The following LRP11 variants were observed in gnomAD, a reference collection of about 807,000 sequenced individuals.
The protein encoded by LRP11 is low-density lipoprotein receptor-related protein 11.
LRP11 carries 25 observed loss-of-function variants against 43.1 expected under a neutral mutation model. The ratio of observed to expected loss-of-function variants is 0.58; its 90% CI spans 0.42 to 0.81. The LOEUF (loss-of-function observed/expected upper bound fraction) is 0.81. LRP11 is among the 30% of genes least tolerant of loss of function. The pLI, the probability that LRP11 is intolerant of heterozygous loss-of-function variation, is 0.00. For missense variants in LRP11, 623 were observed against 665.1 expected (o/e 0.94, Z 0.70); for synonymous variants, 316 against 299.4 (o/e 1.06, Z -0.57).
At chr6:149,840,947 G>C (rs780282138) in intron 3 of LRP11, among the ~76,000 whole-genome samples, 2 of 152,134 alleles carry the variant, frequency 1.3e-5, no homozygotes, top group Non-Finnish European at 2.9e-5. Flanking sequence ...GATGGAATCC[G>C]GGCTGAGCTG....
At chr6:149,860,826 G>A (rs1007516977) in intron 1 of LRP11, among the ~76,000 whole-genome samples, 1 of 152,198 alleles carries the variant, frequency 6.6e-6, no homozygotes, top group Non-Finnish European at 1.5e-5. Flanking sequence ...AGAAAGCATA[G>A]GAGTTCAGGC....
intron 2 of LRP11, among the ~76,000 whole-genome samples, chr6:149,845,342 A>G (rs1470209948): frequency 6.6e-6 from 1 of 152,114 alleles, no homozygotes; most frequent in Non-Finnish European, 1.5e-5. Flanking sequence ...CCGTGAAGTG[A>G]TTTTCATTCA....
chr6:149,864,297 C>G lies in LRP11; in HGVS notation c.-277G>C. 1 of 1,042,680 alleles carries G rather than the reference C, an allele frequency of 9.6e-7. No individual in the cohort carries two copies. The allele number at this position is 1,042,680 out of a possible 1,614,324, so 64.6% of individuals were successfully genotyped here. A position where few individuals can be genotyped will look rare whatever the true frequency, so the allele number is the denominator to read the frequency against. On this transcript the variant is annotated 5_prime_UTR_variant, in exon 1 of 7. Transcript: ENST00000239367. ...CCCTGCGCCTCTCCGCCCCGGCCTG[C>G]GGCGCGCTGGGTGGCGACGAGTCGG...
At chr6:149,850,791 C>G (rs1274530538) in intron 2 of LRP11, among the ~76,000 whole-genome samples, 1 of 152,192 alleles carries the variant, frequency 6.6e-6, no homozygotes, top group African/African-American at 2.4e-5. Context: ...TAGATGTTAA[C>G]CCTGAAGGAT....
rs754864685 is a variant in LRP11 at position 149,864,006 on chromosome 6, G to A, written c.15C>T (p.Ala5=). 2 of 1,353,042 alleles carry A rather than the reference G, an allele frequency of 1.5e-6. No homozygotes were observed. The highest frequency in any genetic ancestry group is 3.7e-5 in the South Asian group (2 of 54,248). 83.8% of individuals were successfully genotyped at this position (1,353,042 alleles called of 1,614,324 possible). Residue 5 remains alanine (A), a synonymous_variant, in exon 1 of 7, where the codon GCC becomes GCT. Coordinates refer to ENST00000239367, the MANE Select transcript of LRP11 (RefSeq NM_032832.6). MASV[A]QESAGSQRRL... Reference sequence around the variant, plus strand: ...GGCGCTGCGAGCCCGCGCTCTCCTGGGCGACGGAGGCCATGGCGACGAGAG... The same window carrying A: ...GGCGCTGCGAGCCCGCGCTCTCCTGAGCGACGGAGGCCATGGCGACGAGAG...
At chr6:149,857,977 G>A (rs1776826603) in intron 1 of LRP11, among the ~76,000 whole-genome samples, 1 of 152,188 alleles carries the variant, frequency 6.6e-6, no homozygotes, top group African/African-American at 2.4e-5. Context: ...TAATACTGAT[G>A]CAGAAACTAG....
At chr6:149,861,231 G>C (rs1305434810) in intron 1 of LRP11, among the ~76,000 whole-genome samples, 1 of 152,052 alleles carries the variant, frequency 6.6e-6, no homozygotes, top group Non-Finnish European at 1.5e-5. Flanking sequence ...TCTGAGCAGG[G>C]GACACACAGG....
rs183127560 is a variant in LRP11, at chr6:149,841,650, C to T, written c.913+1333G>A. 9.9e-5 allele frequency among the ~76,000 whole-genome samples: 15 copies of T among 152,264 alleles called. No homozygotes were observed. In the East Asian group the frequency reaches 2.3e-3, roughly 23 times the overall value. On this transcript the variant is annotated intron_variant, in intron 3 of 6. Coordinates refer to ENST00000239367, the MANE Select transcript of LRP11 (RefSeq NM_032832.6). ...ACGTTGGGCTGGGCGCGGTGGTTCA[C>T]GCCTGTAGTCTAAGTGCTTCGGGAG...
intron 1 of LRP11, among the ~76,000 whole-genome samples, chr6:149,854,015 T>C (rs1325503656): frequency 6.6e-6 from 1 of 152,216 alleles, no homozygotes; most frequent in African/African-American, 2.4e-5. Context: ...GAATCCAATT[T>C]TTCATCTAGG....
intron 1 of LRP11, among the ~76,000 whole-genome samples, chr6:149,854,716 C>T (rs1350806241): frequency 6.6e-6 from 1 of 152,218 alleles, no homozygotes; most frequent in Non-Finnish European, 1.5e-5. Context: ...CGAGTGCTGG[C>T]TGGGCTTGCC....
intron 6 of LRP11, among the ~76,000 whole-genome samples, chr6:149,823,089 G>T (rs1035192223): frequency 2.6e-5 from 4 of 152,006 alleles, no homozygotes; most frequent in Admixed American, 6.6e-5. Flanking sequence ...AAAAACAGAA[G>T]AAGACCAGTC....
At chr6:149,840,348 CTTT>C (rs1192837353) in intron 3 of LRP11, among the ~76,000 whole-genome samples, 2 of 152,170 alleles carry the variant, frequency 1.3e-5, no homozygotes, top group Non-Finnish European at 2.9e-5. Context: ...TCACCAATTC[CTTT>C]TTATTTTCCA....
chr6:149,834,047 C>T lies in LRP11; in HGVS notation c.1252+2038G>A, dbSNP rs532042950. 2.0e-5 allele frequency among the ~76,000 whole-genome samples: 3 copies of T among 152,260 alleles called. No homozygotes were observed. In the East Asian group the frequency reaches 5.8e-4, roughly 29 times the overall value. On this transcript the variant is annotated intron_variant, in intron 5 of 6. Coordinates refer to ENST00000239367, the MANE Select transcript of LRP11 (RefSeq NM_032832.6). The stretch of plus-strand genomic sequence containing the variant: ...CCCCTACCTCCCACCCTCTGACAGG[C>T]CCCAGTGTGTGTTGTTTCCCTCCAT...
Position 149,863,778 on chromosome 6 carries a change from C to T in LRP11, c.243G>A (p.Ala81=), listed in dbSNP as rs1201139827. The T allele has an allele frequency of 6.8e-7, 1 of 1,480,048 alleles. No homozygotes were observed. Among genetic ancestry groups the T allele is most frequent in the Non-Finnish European group, 8.9e-7 (1 of 1,122,240 alleles). 91.7% of individuals were successfully genotyped at this position (1,480,048 alleles called of 1,614,324 possible). Reference sequence around the variant, plus strand: ...GGCAGTCCTCCTGGGGGCCGCCGCCCGCGCGCAGCTCCAGCTCCAGCTCCT... The same window carrying T: ...GGCAGTCCTCCTGGGGGCCGCCGCCTGCGCGCAGCTCCAGCTCCAGCTCCT... The part of the protein sequence containing the change: ...PQEELELELR[A]GGGPQEDCPG... The change falls in exon 1 of 7, where the codon GCG becomes GCA. Residue 81 remains alanine (A), a synonymous_variant. Coordinates refer to ENST00000239367, the MANE Select transcript of LRP11 (RefSeq NM_032832.6).
chr6:149,858,565 A>G (rs950858394), intron 1 of LRP11, among the ~76,000 whole-genome samples: 5 of 152,202 alleles, frequency 3.3e-5, no homozygotes, highest in South Asian at 4.1e-4. Flanking sequence ...ATACCCAGGA[A>G]TGCAGCCCAG....
intron 3 of LRP11, among the ~76,000 whole-genome samples, chr6:149,839,479 T>TA (rs1401931334): frequency 1.3e-5 from 2 of 152,182 alleles, no homozygotes; most frequent in Admixed American, 6.5e-5. Context: ...TCAGGTTTCT[T>TA]AAATTCATGG....
At chr6:149,860,429 T>G (rs1367002439) in intron 1 of LRP11, among the ~76,000 whole-genome samples, 4 of 146,228 alleles carry the variant, frequency 2.7e-5, no homozygotes, top group Non-Finnish European at 4.5e-5. Context: ...CCTGCTGTTC[T>G]TCACTTTTTA....
At position 149,825,635 on chromosome 6, in the gene LRP11, A is replaced by G. The variant is rs1285393368; in HGVS notation, c.1348+629T>C. Among the ~76,000 whole-genome samples, 3 of 151,128 alleles carry G rather than the reference A, an allele frequency of 2.0e-5. No individual in the cohort carries two copies. In the East Asian group the frequency reaches 5.8e-4, roughly 29 times the overall value. On this transcript the variant is annotated intron_variant, in intron 6 of 6. Coordinates refer to ENST00000239367, the MANE Select transcript of LRP11 (RefSeq NM_032832.6). ...GATAAGATAGCCTGCTCAAGGTCAT[A>G]CAGTTTAGTGGGTAAGTGAGAATTT...
chr6:149,837,442 C>T lies in LRP11; in HGVS notation c.935G>A (p.Arg312His), dbSNP rs201161525. Reference sequence around the variant, plus strand: ...GCCATCGTCACAGAAGAAGTGGTAGCGTGAGCAAGTGTGCAAACATCCTAT... The same window carrying T: ...GCCATCGTCACAGAAGAAGTGGTAGTGTGAGCAAGTGTGCAAACATCCTAT... The part of the protein sequence containing the change: ...STGGCLHTCS[R>H]YHFFCDDGCC... The change falls in exon 4 of 7, where the codon CGC becomes CAC. Residue 312 changes from arginine to histidine, a missense_variant. Transcript: ENST00000239367. The T allele has an allele frequency of 7.6e-5, 123 of 1,613,916 alleles. No homozygotes were observed. The highest frequency in any genetic ancestry group is 1.0e-4 in the Non-Finnish European group (118 of 1,180,008).
Sources: allele counts gnomAD v4.1 joint callset (sites outside exome capture counted in the v4.1 genomes callset), GRCh38; gene constraint gnomAD v4.1.1; transcripts MANE v1.5; gene names NCBI Gene and HGNC (gene_info 2026-07-23, HGNC 2026-07-21).